Variants in TNS3 observed in about 807,000 individuals in gnomAD.
TNS3 encodes the protein tensin 3.
TNS3 carries 45 observed loss-of-function variants against 140.9 expected under a neutral mutation model. That is an observed-to-expected ratio of 0.32 (90% confidence interval 0.25 to 0.41). The LOEUF is 0.41. Ranked by LOEUF, TNS3 falls within the 10% of genes least tolerant of loss-of-function variation. The pLI is 1.00. For missense variants in TNS3, 1,716 were observed against 1,906.7 expected (o/e 0.90, Z 1.86); for synonymous variants, 815 against 788.4 (o/e 1.03, Z -0.56).
chr7:47,548,948 T>C (rs1231762793), intron 1 of TNS3, among the ~76,000 whole-genome samples: 1 of 152,154 alleles, frequency 6.6e-6, no homozygotes, highest in Non-Finnish European at 1.5e-5. Flanking sequence ...GTCTCAACCT[T>C]GGGGCTCCTT....
intron 21 of TNS3, among the ~76,000 whole-genome samples, chr7:47,304,108 TC>T (rs1786600108): frequency 6.6e-6 from 1 of 152,138 alleles, no homozygotes. Context: ...GTGGGTCCCC[TC>T]CTCCTCGCAG....
intron 1 of TNS3, among the ~76,000 whole-genome samples, chr7:47,551,137 T>A (rs2151981202): frequency 6.6e-6 from 1 of 152,274 alleles, no homozygotes; most frequent in South Asian, 2.1e-4. Flanking sequence ...TCAGGAAGCA[T>A]CTCCTCGGAG....
intron 20 of TNS3, among the ~76,000 whole-genome samples, chr7:47,305,253 A>C (rs570127747): frequency 2.6e-5 from 4 of 152,278 alleles, no homozygotes; most frequent in East Asian, 3.9e-4. Flanking sequence ...TCAGTCCCCC[A>C]CAGTGTCCAG....
intron 16 of TNS3, chr7:47,396,497 C>T (rs932442847): frequency 9.8e-5 from 35 of 356,346 alleles, no homozygotes; most frequent in African/African-American, 4.7e-4. Context: ...GAAGGGGGAA[C>T]GGTCCCTGGC....
chr7:47,342,032 T>C (rs974840707), intron 20 of TNS3, among the ~76,000 whole-genome samples: 1 of 152,186 alleles, frequency 6.6e-6, no homozygotes, highest in African/African-American at 2.4e-5. Context: ...GTTGCCCTTC[T>C]GTTACTGATT....
At chr7:47,410,936 CTCCAA>C (rs1410632553) in intron 13 of TNS3, among the ~76,000 whole-genome samples, 2 of 152,148 alleles carry the variant, frequency 1.3e-5, no homozygotes, top group Non-Finnish European at 2.9e-5. Context: ...GGCTAATCTC[CTCCAA>C]GAACCAACAC....
In TNS3 at chr7:47,512,206, G is replaced by C. The variant is rs572310987; in HGVS notation, c.-152-5262C>G. ...GTGTGCAAAGGCTCTTCTGTGCCTG[G>C]TGCAAGAACTGGGGCTCCACATGCA... On this transcript the variant is annotated intron_variant, in intron 2 of 30. Coordinates refer to ENST00000311160, the MANE Select transcript of TNS3 (RefSeq NM_022748.12). Among the ~76,000 whole-genome samples the C allele has an allele frequency of 3.9e-5, 6 of 152,300 alleles. No homozygotes were observed. In the South Asian group the frequency reaches 1.2e-3, roughly 32 times the overall value.
chr7:47,444,035 G>A (rs1383339357), intron 4 of TNS3, among the ~76,000 whole-genome samples: 1 of 152,232 alleles, frequency 6.6e-6, no homozygotes, highest in Non-Finnish European at 1.5e-5. Context: ...ACCCGTTTAG[G>A]TTAATTCATA....
intron 16 of TNS3, among the ~76,000 whole-genome samples, chr7:47,370,073 C>T (rs1270705743): frequency 6.6e-6 from 1 of 152,126 alleles, no homozygotes. Context: ...GGGTAGCAAA[C>T]TCCTACTAAA....
At chr7:47,317,832 C>CAG (rs906482366) in intron 20 of TNS3, among the ~76,000 whole-genome samples, 5 of 152,212 alleles carry the variant, frequency 3.3e-5, no homozygotes, top group East Asian at 1.9e-4. Context: ...GTGAGAGAGA[C>CAG]AGAGAGAGAG....
At chr7:47,492,190 C>T (rs1022643494) in intron 3 of TNS3, among the ~76,000 whole-genome samples, 2 of 152,220 alleles carry the variant, frequency 1.3e-5, no homozygotes, top group Admixed American at 1.3e-4. Context: ...CTCATGTCCA[C>T]CCTACACTGG....
intron 1 of TNS3, among the ~76,000 whole-genome samples, chr7:47,530,838 A>AAAAATATATATATAT: frequency 5.3e-4 from 29 of 54,482 alleles, no homozygotes; most frequent in Non-Finnish European, 5.3e-4. Flanking sequence ...AAAAAAAAAA[A>AAAAATATATATATAT]ATATATATAT....
At chr7:47,389,976 C>G (rs1408465089) in intron 16 of TNS3, among the ~76,000 whole-genome samples, 1 of 152,228 alleles carries the variant, frequency 6.6e-6, no homozygotes. Flanking sequence ...TTAGAAAAGC[C>G]TGGTTTGGGG....
chr7:47,322,894 C>A (rs956975488), intron 20 of TNS3, among the ~76,000 whole-genome samples: 6 of 152,138 alleles, frequency 3.9e-5, no homozygotes, highest in Non-Finnish European at 5.9e-5. Context: ...TGGCACATGG[C>A]CAGTAGCACA....
At chr7:47,498,292 A>G (rs749522457) in intron 3 of TNS3, among the ~76,000 whole-genome samples, 6 of 152,146 alleles carry the variant, frequency 3.9e-5, no homozygotes, top group Non-Finnish European at 8.8e-5. Flanking sequence ...ATGGAAAGTT[A>G]CCCTCATTTC....
chr7:47,412,721 G>T (rs767084389), intron 12 of TNS3, among the ~76,000 whole-genome samples: 1 of 152,162 alleles, frequency 6.6e-6, no homozygotes, highest in African/African-American at 2.4e-5. Context: ...CTATTCTTGG[G>T]TTCCACATTC....
chr7:47,289,604 A>AATAAACAAG (rs1366785707), intron 27 of TNS3, among the ~76,000 whole-genome samples: 1 of 152,272 alleles, frequency 6.6e-6, no homozygotes, highest in Non-Finnish European at 1.5e-5. Context: ...ACAGACCAGC[A>AATAAACAAG]ATAAACAAGT....
At chr7:47,535,923 T>C (rs779738964) in intron 1 of TNS3, among the ~76,000 whole-genome samples, 2 of 152,324 alleles carry the variant, frequency 1.3e-5, no homozygotes, top group East Asian at 3.9e-4. Flanking sequence ...AGCTCCACCA[T>C]AGTAAGAGGA....
chr7:47,373,489 T>C (rs778668111), intron 16 of TNS3, among the ~76,000 whole-genome samples: 5 of 152,206 alleles, frequency 3.3e-5, no homozygotes, highest in Non-Finnish European at 5.9e-5. Flanking sequence ...CCTGGGCTCA[T>C]CTCTTTACCG....
Sources: gnomAD v4.1 joint callset for allele counts (sites outside exome capture counted in the v4.1 genomes callset) on GRCh38, gnomAD v4.1.1 for gene constraint, MANE v1.5 for transcripts, NCBI Gene and HGNC (gene_info 2026-07-23, HGNC 2026-07-21) for gene names.